The following MIB2 variants were observed in gnomAD, a reference collection of about 807,000 sequenced individuals.
MIB2 encodes E3 ubiquitin-protein ligase MIB2.
A neutral mutation model predicts 96.6 loss-of-function variants in MIB2; 78 were observed. That is an observed-to-expected ratio of 0.81 (90% CI 0.67 to 0.97). MIB2 has a LOEUF of 0.97. MIB2 is among the 50% of genes least tolerant of loss of function. The pLI, the probability that MIB2 is intolerant of heterozygous loss-of-function variation, is 0.00. For missense variants in MIB2, 1,543 were observed against 1,424.0 expected (o/e 1.08, Z -1.35); for synonymous variants, 820 against 629.5 (o/e 1.30, Z -4.53).
chr1:1,621,009 C>T (rs1031865894), intron 2 of MIB2, among the ~76,000 whole-genome samples: 7 of 152,254 alleles, frequency 4.6e-5, no homozygotes, highest in Non-Finnish European at 8.8e-5. Context: ...TGGCTAGAAG[C>T]GGCCTGTGCT....
At position 1,615,721 on chromosome 1, in the gene MIB2, T is replaced by G; in HGVS notation, c.-130+88T>G. On this transcript the variant is annotated intron_variant, in intron 1 of 19. Transcript: ENST00000355826. ...CTGGCAGAACGCGAGCGCCGTCCGG[T>G]TCCCGCTCCCGCTGGCCCAGCAGCC... 3 of 1,491,424 alleles carry G rather than the reference T, an allele frequency of 2.0e-6. No homozygotes were observed. The South Asian group carries it at 3.8e-5, about 19-fold the overall frequency. 92.4% of individuals were successfully genotyped at this position (1,491,424 alleles called of 1,614,324 possible).
At chr1:1,624,723 C>T (rs28635343) in intron 4 of MIB2, 72 bp from the exon 5 acceptor site, 257,388 of 1,415,322 alleles carry the variant, frequency 0.18, 25,763 homozygotes, top group Admixed American at 0.34. Flanking sequence ...CTGCATCGCT[C>T]TCCCAAGTGG....
At chr1:1,624,697 C>A in intron 4 of MIB2, 98 bp from the exon 5 acceptor site, 1 of 1,156,432 alleles carries the variant, frequency 8.6e-7, no homozygotes, top group Non-Finnish European at 1.3e-6. Flanking sequence ...GCTGGGTGGA[C>A]AGGGGGCCTG....
Position 1,615,621 on chromosome 1 carries a change from C to T in MIB2, c.-142C>T, listed in dbSNP as rs1241361106. The T allele has an allele frequency of 1.9e-6, 3 of 1,572,894 alleles. No individual in the cohort carries two copies. The highest frequency in any genetic ancestry group is 2.4e-5 in the East Asian group (1 of 41,734). On this transcript the variant is annotated 5_prime_UTR_variant, in exon 1 of 20. Transcript: ENST00000355826. ...GGTCACTGGCGCGATGCGGGCCGTC[C>T]TCTCGGCTGATGGTGCGTGCGGGCG...
rs903236165 is a variant in MIB2 at position 1,624,313 on chromosome 1, C to T, written c.419+368C>T. 4.6e-5 allele frequency: 16 copies of T among 350,100 alleles called. 1 individual carries two copies. Among genetic ancestry groups the T allele is most frequent in the Admixed American group, 3.8e-4 (7 of 18,386 alleles). 21.7% of individuals were successfully genotyped at this position (350,100 alleles called of 1,614,324 possible). ...GCAAGGACAGCCAGAGGTGCCACCC[C>T]GTCCCCTGCATTTGTCACCTTTGTC... On this transcript the variant is annotated intron_variant, in intron 4 of 19. Coordinates refer to ENST00000355826, the MANE Select transcript of MIB2 (RefSeq NM_001170687.4).
Position 1,626,712 on chromosome 1 carries a change from G to T in MIB2, c.1035G>T (p.Arg345=). The T allele has an allele frequency of 6.2e-7, 1 of 1,601,742 alleles. No individual in the cohort carries two copies. Among genetic ancestry groups the T allele is most frequent in the Non-Finnish European group, 8.5e-7 (1 of 1,173,986 alleles). The part of the protein sequence containing the change: ...RVIGDLDTVK[R]LQAGHGEWTD... ...TCGGCGACCTTGACACAGTGAAGCG[G>T]CTGCAGGCTGGGCATGGCGAGTGGA... The change falls in exon 9 of 20, where the codon CGG becomes CGT. Residue 345 remains arginine, a synonymous_variant. Transcript: ENST00000355826. This position sits in a 1 kb window ranked among gnomAD's most constrained non-coding sequence, Gnocchi z 5.3.
At chr1:1,621,875 C>A (rs1420019985) in intron 2 of MIB2, among the ~76,000 whole-genome samples, 1 of 152,242 alleles carries the variant, frequency 6.6e-6, no homozygotes, top group Non-Finnish European at 1.5e-5. Context: ...TGGGGCTGGG[C>A]TCCTCACCGG....
rs369025264 is a variant in MIB2, at chr1:1,626,689, G to A, written c.1012G>A (p.Gly338Ser). The A allele has an allele frequency of 3.7e-5, 59 of 1,595,726 alleles. No homozygotes were observed. Among genetic ancestry groups the A allele is most frequent in the South Asian group, 5.6e-5 (5 of 89,088 alleles). ...FWVGDVVRVIGDLDTVKRLQA... is the reference protein window; with the variant it reads ...FWVGDVVRVISDLDTVKRLQA... The stretch of plus-strand genomic sequence containing the variant: ...GGTGGGCGACGTGGTCCGGGTCATC[G>A]GCGACCTTGACACAGTGAAGCGGCT... The change falls in exon 9 of 20, where the codon GGC (glycine) becomes AGC (serine). Residue 338 changes from glycine to serine, a missense_variant. Physicochemically the swap from Gly to Ser is moderately conservative, Grantham distance 56. Transcript: ENST00000355826. This position sits in a 1 kb window ranked among gnomAD's most constrained non-coding sequence, Gnocchi z 5.3.
rs767625050 is a variant in MIB2, at chr1:1,628,369, C to G, written c.1938C>G (p.His646Gln). ...TALHLAALNNHREVAQILIRE... is the reference protein window; with the variant it reads ...TALHLAALNNQREVAQILIRE... The stretch of plus-strand genomic sequence containing the variant: ...TGCATCTGGCTGCCCTCAACAACCA[C>G]CGCGAGGTGGCCCAGATCCTCATCC... Residue 646 changes from histidine to glutamine, a missense_variant, in exon 15 of 20, where the codon CAC (histidine) becomes CAG (glutamine). Coordinates refer to ENST00000355826, the MANE Select transcript of MIB2 (RefSeq NM_001170687.4). The G allele has an allele frequency of 1.9e-6, 3 of 1,612,688 alleles. No homozygotes were observed. Among genetic ancestry groups the G allele is most frequent in the Non-Finnish European group, 2.5e-6 (3 of 1,179,882 alleles).
chr1:1,629,737 C>T (rs764418570), intron 19 of MIB2, 33 bp downstream of exon 19: 4 of 1,545,692 alleles, frequency 2.6e-6, no homozygotes, highest in South Asian at 1.2e-5. Flanking sequence ...AACACGCCTC[C>T]TGCTCAGCTG....
At position 1,625,721 on chromosome 1, in the gene MIB2, C is replaced by T. The variant is rs1644696162; in HGVS notation, c.972+68C>T. On this transcript the variant is annotated intron_variant, in intron 8 of 19. Transcript: ENST00000355826. The surrounding 1 kb of genome is among the most constrained non-coding windows in gnomAD (Gnocchi z 5.0). ...AACCCCTTCCACGTACCCCCTTGGCCTTGGGGGGTCAGGCAGGACTAGGGT... is the reference window on the plus strand; with the variant it reads ...AACCCCTTCCACGTACCCCCTTGGCTTTGGGGGGTCAGGCAGGACTAGGGT... The T allele has an allele frequency of 4.4e-6, 6 of 1,353,188 alleles. No homozygotes were observed. Among genetic ancestry groups the T allele is most frequent in the Non-Finnish European group, 6.2e-6 (6 of 975,472 alleles). 83.8% of individuals were successfully genotyped at this position (1,353,188 alleles called of 1,614,324 possible).
rs1164233542 is a variant in MIB2, at chr1:1,626,640, T to G, written c.973-10T>G. On this transcript the variant is annotated splice_polypyrimidine_tract_variant and intron_variant, in intron 8 of 19. Coordinates refer to ENST00000355826, the MANE Select transcript of MIB2 (RefSeq NM_001170687.4). The surrounding 1 kb of genome is among the most constrained non-coding windows in gnomAD (Gnocchi z 5.3). Reference sequence around the variant, plus strand: ...CTGGGGGGCCCCTCACGCCCCTCTTTGTCGCTCAGCACCACTCCTTCTGGG... The same window carrying G: ...CTGGGGGGCCCCTCACGCCCCTCTTGGTCGCTCAGCACCACTCCTTCTGGG... 7 of 1,545,668 alleles carry G rather than the reference T, an allele frequency of 4.5e-6. No individual in the cohort carries two copies. The highest frequency in any genetic ancestry group is 6.1e-6 in the Non-Finnish European group (7 of 1,147,970).
intron 12 of MIB2, 90 bp from the exon 13 acceptor site, chr1:1,627,583 T>A (rs1644921327): frequency 2.0e-6 from 3 of 1,498,762 alleles, no homozygotes; most frequent in Non-Finnish European, 2.7e-6. Flanking sequence ...GCTGAGCCTG[T>A]GCGTCCTGGG....
Position 1,626,867 on chromosome 1 carries a change from GTGTT to G in MIB2, c.1111_1114del (p.Phe371GlufsTer7). 1.2e-6 allele frequency: 2 copies of G among 1,604,664 alleles called. No individual in the cohort carries two copies. Among genetic ancestry groups the G allele is most frequent in the Non-Finnish European group, 1.7e-6 (2 of 1,179,612 alleles). On this transcript the variant is annotated frameshift_variant, in exon 10 of 20. Coordinates refer to ENST00000355826, the MANE Select transcript of MIB2 (RefSeq NM_001170687.4). LOFTEE classifies it high-confidence loss of function. The surrounding 1 kb of genome is among the most constrained non-coding windows in gnomAD (Gnocchi z 5.3). ...GGGCCGCGTCGGGAAGGTGGTGAAAGTGTTTGGAGACGGGAACCTGCGTGTAGCA... is the reference window on the plus strand; with the variant it reads ...GGGCCGCGTCGGGAAGGTGGTGAAAGTGGAGACGGGAACCTGCGTGTAGCA...
Position 1,628,106 on chromosome 1 carries a change from A to G in MIB2, c.1768A>G (p.Asn590Asp), listed in dbSNP as rs1317836325. Residue 590 changes from asparagine to aspartate, a missense_variant, in exon 14 of 20, where the codon AAC (asparagine) becomes GAC (aspartate). Asn to Asp is a conservative substitution (Grantham distance 23). Transcript: ENST00000355826. Reference protein sequence around the residue: ...GIVEVLTEVPNIDVTATNSQG... With the variant: ...GIVEVLTEVPDIDVTATNSQG... ...TGTCGAGGTCCTCACGGAGGTGCCA[A>G]ACATCGATGTTACCGCCACCAACAG... 6.2e-7 allele frequency: 1 copy of G among 1,613,268 alleles called. No individual in the cohort carries two copies. Among genetic ancestry groups the G allele is most frequent in the Admixed American group, 1.7e-5 (1 of 60,014 alleles).
rs758684616 is a variant in MIB2, at chr1:1,626,755, G to A, written c.1077+1G>A. The A allele has an allele frequency of 1.3e-6, 2 of 1,584,196 alleles. No homozygotes were observed. Among genetic ancestry groups the A allele is most frequent in the South Asian group, 1.1e-5 (1 of 87,796 alleles). ...CGAGTGGACGGACGACATGGCCCCT[G>A]TGAGTCCCCCTGCCACCCCCGCCGC... On this transcript the variant is annotated splice_donor_variant, in intron 9 of 19. Coordinates refer to ENST00000355826, the MANE Select transcript of MIB2 (RefSeq NM_001170687.4). LOFTEE classifies it high-confidence loss of function. This position sits in a 1 kb window ranked among gnomAD's most constrained non-coding sequence, Gnocchi z 5.3.
chr1:1,615,455 T>G (rs1013212568), upstream of MIB2: 55 of 1,513,682 alleles, frequency 3.6e-5, no homozygotes, highest in African/African-American at 3.8e-4. Flanking sequence ...GGCGGGGGCG[T>G]GGCCATGGCG....
At position 1,615,527 on chromosome 1, in the gene MIB2, G is replaced by GCCGAGCC. The variant is rs1165560594; in HGVS notation, c.-233_-232insAGCCCCG. 7 of 1,532,376 alleles carry GCCGAGCC rather than the reference G, an allele frequency of 4.6e-6. No individual in the cohort carries two copies. In the African/African-American group the frequency reaches 6.9e-5, roughly 15 times the overall value. 94.9% of individuals were successfully genotyped at this position (1,532,376 alleles called of 1,614,324 possible). A position where few individuals can be genotyped will look rare whatever the true frequency, so the allele number is the denominator to read the frequency against. ...CCTTCGGGTCCCACAGTTTCCAGCC[G>GCCGAGCC]CCGCTCTCCTCAGTGCCCGGTGGCC... On this transcript the variant is annotated 5_prime_UTR_variant, in exon 1 of 20. Transcript: ENST00000355826.
Position 1,625,103 on chromosome 1 carries a change from G to A in MIB2, c.639G>A (p.Val213=). 1 of 1,613,386 alleles carries A rather than the reference G, an allele frequency of 6.2e-7. No homozygotes were observed. The highest frequency in any genetic ancestry group is 8.5e-7 in the Non-Finnish European group (1 of 1,179,966). The part of the protein sequence containing the change: ...WADGTTNVYR[V]GHKGKVDLKC... ...ATGGTACCACCAATGTGTACCGTGT[G>A]GGCCACAAGGGCAAGGTGGACCTCA... Residue 213 remains valine (V), a synonymous_variant, in exon 6 of 20, where the codon GTG becomes GTA. Coordinates refer to ENST00000355826, the MANE Select transcript of MIB2 (RefSeq NM_001170687.4). The surrounding 1 kb of genome is among the most constrained non-coding windows in gnomAD (Gnocchi z 5.0).
Sources: gnomAD v4.1 joint callset for allele counts (sites outside exome capture counted in the v4.1 genomes callset) on GRCh38, gnomAD v4.1.1 for gene constraint, Gnocchi (gnomAD v3.1) non-coding constraint, MANE v1.5 for transcripts, NCBI Gene and HGNC (gene_info 2026-07-23, HGNC 2026-07-21) for gene names.